The following ZNG1F variants were observed in gnomAD, a reference collection of about 807,000 sequenced individuals.
ZNG1F encodes Zn regulated GTPase metalloprotein activator 1F.
chr9:41,155,478 CA>C, the ZNG1F span, among the ~76,000 whole-genome samples: 2 of 137,654 alleles, frequency 1.5e-5, no homozygotes, highest in African/African-American at 5.5e-5. Flanking sequence ...CTAGAAATAC[CA>C]TTTGACCCAG....
the ZNG1F span, among the ~76,000 whole-genome samples, chr9:41,202,929 TCTCAGTCTACTTTAATCAGAAGCATTG>T: frequency 6.6e-6 from 1 of 151,754 alleles, no homozygotes; most frequent in Non-Finnish European, 1.5e-5. Context: ...AGTTGTCACC[TCTCAGTCTACTTTAATCAGAAGCATTG>T]CTCAGTCTTT....
chr9:41,139,522 G>C, the ZNG1F span, among the ~76,000 whole-genome samples: 2 of 149,424 alleles, frequency 1.3e-5, no homozygotes, highest in South Asian at 2.1e-4. Context: ...CAGGTGATGT[G>C]TTGGGCTCTA....
At chr9:41,138,188 G>A in the ZNG1F span, among the ~76,000 whole-genome samples, 1 of 131,326 alleles carries the variant, frequency 7.6e-6, no homozygotes, top group Non-Finnish European at 1.6e-5. Flanking sequence ...TGGCTTGGTA[G>A]TGGTGAATTC....
chr9:41,142,688 C>A, the ZNG1F span, among the ~76,000 whole-genome samples: 2 of 76,580 alleles, frequency 2.6e-5, no homozygotes, highest in Non-Finnish European at 5.2e-5. Context: ...CAAAAATTAG[C>A]TAGGCATGGT....
At chr9:41,132,991 GAACA>G in the ZNG1F span, 2 of 536,614 alleles carry the variant, frequency 3.7e-6, no homozygotes, top group Non-Finnish European at 2.3e-6. Context: ...GCACACTTGT[GAACA>G]CACAAGAGTA....
the ZNG1F span, chr9:41,159,053 T>C: frequency 6.7e-6 from 1 of 148,728 alleles, no homozygotes; most frequent in Non-Finnish European, 1.5e-5. Flanking sequence ...TTTTTCCCTA[T>C]GTCTAAAGGC....
the ZNG1F span, among the ~76,000 whole-genome samples, chr9:41,178,976 C>A: frequency 8.6e-6 from 1 of 116,236 alleles, no homozygotes; most frequent in South Asian, 3.4e-4. Flanking sequence ...AAAGGACAGG[C>A]TGACTCTCTT....
chr9:41,154,334 A>C, the ZNG1F span, among the ~76,000 whole-genome samples: 1 of 121,476 alleles, frequency 8.2e-6, no homozygotes, highest in East Asian at 2.4e-4. Context: ...ACTACAAACC[A>C]CTGCTCAAGG....
chr9:41,157,330 G>T, the ZNG1F span: 1 of 138,358 alleles, frequency 7.2e-6, no homozygotes, highest in Non-Finnish European at 1.5e-5. Context: ...TGGGTGTGGT[G>T]GCACGCACCT....
the ZNG1F span, among the ~76,000 whole-genome samples, chr9:41,149,632 C>T: frequency 2.0e-5 from 3 of 149,030 alleles, no homozygotes; most frequent in African/African-American, 7.4e-5. Flanking sequence ...ATAGTCAACC[C>T]CACAGAAAGA....
At chr9:41,176,596 G>A in the ZNG1F span, 1 of 148,552 alleles carries the variant, frequency 6.7e-6, no homozygotes, top group Non-Finnish European at 1.5e-5. Flanking sequence ...TTGGCTCTCT[G>A]AATCACCACT....
At chr9:41,165,138 G>C in the ZNG1F span, 525 of 1,449,318 alleles carry the variant, frequency 3.6e-4, 14 homozygotes, top group Non-Finnish European at 4.7e-4. Context: ...TAATATACAC[G>C]CATGCAGATT....
the ZNG1F span, among the ~76,000 whole-genome samples, chr9:41,174,812 C>CA: frequency 1.7e-5 from 1 of 57,318 alleles, no homozygotes; most frequent in Non-Finnish European, 3.8e-5. Context: ...ATCACTTGCC[C>CA]AAAAAAAATT....
chr9:41,154,536 C>T, the ZNG1F span, among the ~76,000 whole-genome samples: 7 of 137,088 alleles, frequency 5.1e-5, no homozygotes, highest in South Asian at 2.4e-4. Context: ...AAAAAGAGCC[C>T]GCATCGCCAA....
the ZNG1F span, chr9:41,188,036 G>A: frequency 2.5e-5 from 1 of 40,728 alleles, no homozygotes; most frequent in Non-Finnish European, 4.3e-5. Flanking sequence ...AAAGGCCCGA[G>A]GGGCACGTTT....
the ZNG1F span, among the ~76,000 whole-genome samples, chr9:41,134,206 A>C: frequency 2.1e-5 from 3 of 145,598 alleles, 1 homozygote; most frequent in Admixed American, 2.2e-4. Context: ...AATAAGGGTC[A>C]AAAAAATAAG....
chr9:41,199,317 CA>C, the ZNG1F span: 1 of 128,284 alleles, frequency 7.8e-6, no homozygotes, highest in South Asian at 2.8e-4. Context: ...TAAATACAGC[CA>C]TCCCAAATGG....
At chr9:41,174,252 A>AAAAAAAAAAAAAAAAAG in the ZNG1F span, 1 of 1,506,360 alleles carries the variant, frequency 6.6e-7, no homozygotes, top group Non-Finnish European at 8.9e-7. Context: ...AAAAAAAAAA[A>AAAAAAAAAAAAAAAAAG]AAAAACAAGA....
At chr9:41,153,705 A>T in the ZNG1F span, among the ~76,000 whole-genome samples, 1 of 118,292 alleles carries the variant, frequency 8.5e-6, no homozygotes, top group Admixed American at 9.3e-5. Flanking sequence ...CAATATATGC[A>T]AATCAATACA....
Sources: allele counts gnomAD v4.1 joint callset (sites outside exome capture counted in the v4.1 genomes callset), GRCh38; gene constraint gnomAD v4.1.1; transcripts MANE v1.5; gene names NCBI Gene and HGNC (gene_info 2026-07-23, HGNC 2026-07-21).